PALM2AKAP2: variants seen among roughly 807,000 people sequenced by gnomAD.
PALM2AKAP2 encodes the protein PALM2 and AKAP2 fusion.
A neutral mutation model predicts 71.5 loss-of-function variants in PALM2AKAP2; 37 were observed. The ratio of observed to expected loss-of-function variants is 0.52; its 90% CI spans 0.40 to 0.68. The LOEUF (loss-of-function observed/expected upper bound fraction) is 0.68. PALM2AKAP2 is among the 30% of genes least tolerant of loss of function. The pLI is 0.00. For missense variants in PALM2AKAP2, 1,224 were observed against 1,191.8 expected, an observed-to-expected ratio of 1.03 and a Z score of -0.40; for synonymous variants, 468 against 478.8, an observed-to-expected ratio of 0.98 and a Z score of 0.29.
intron 1 of PALM2AKAP2, among the ~76,000 whole-genome samples, chr9:110,112,618 T>C (rs995733949): frequency 1.3e-5 from 2 of 152,202 alleles, no homozygotes; most frequent in Admixed American, 6.5e-5. Context: ...TATGATAAAG[T>C]AGAAAAAGAA....
At chr9:109,851,102 G>A (rs553802343) in intron 1 of PALM2AKAP2, among the ~76,000 whole-genome samples, 4 of 152,038 alleles carry the variant, frequency 2.6e-5, no homozygotes, top group African/African-American at 4.8e-5. Context: ...GCATGAACCC[G>A]GGAGGCAGAG....
intron 6 of PALM2AKAP2, among the ~76,000 whole-genome samples, chr9:109,964,600 C>G (rs1831911251): frequency 6.6e-6 from 1 of 152,222 alleles, no homozygotes; most frequent in Admixed American, 6.5e-5. Flanking sequence ...GGAAACCCCA[C>G]AGTACTGGTC....
intron 1 of PALM2AKAP2, chr9:109,847,777 G>C (rs1828904845): frequency 6.6e-6 from 1 of 152,100 alleles, no homozygotes; most frequent in Non-Finnish European, 1.5e-5. Context: ...AAGCCAACCA[G>C]TTCGTGGTTA....
intron 1 of PALM2AKAP2, among the ~76,000 whole-genome samples, chr9:109,852,956 T>G (rs549231773): frequency 2.0e-5 from 3 of 152,312 alleles, no homozygotes; most frequent in African/African-American, 7.2e-5. Context: ...TTTGCAGATA[T>G]TTTCTCCCAT....
chr9:109,655,226 G>GCTGAGGCAGGAGAA (rs1827283233), intron 1 of PALM2AKAP2, among the ~76,000 whole-genome samples: 1 of 151,226 alleles, frequency 6.6e-6, no homozygotes, highest in Non-Finnish European at 1.5e-5. Context: ...AACCTGGGAG[G>GCTGAGGCAGGAGAA]TGGAGCTTGC....
intron 1 of PALM2AKAP2, among the ~76,000 whole-genome samples, chr9:110,071,270 T>C (rs1834203146): frequency 6.6e-6 from 1 of 151,252 alleles, no homozygotes; most frequent in Non-Finnish European, 1.5e-5. Flanking sequence ...ATTTAGAGAG[T>C]CTGATAGGTA....
intron 7 of PALM2AKAP2, among the ~76,000 whole-genome samples, chr9:110,025,900 C>T (rs1046152217): frequency 6.6e-6 from 1 of 152,140 alleles, no homozygotes. Flanking sequence ...GAAGCACTCT[C>T]TCATTGCAGC....
chr9:110,004,907 G>T (rs1240133232), intron 6 of PALM2AKAP2, among the ~76,000 whole-genome samples: 3 of 152,078 alleles, frequency 2.0e-5, no homozygotes, highest in Admixed American at 6.6e-5. Context: ...TCTTTGCATT[G>T]GTTATTCTAG....
At chr9:109,834,460 A>G (rs1828397451) in intron 1 of PALM2AKAP2, among the ~76,000 whole-genome samples, 1 of 152,126 alleles carries the variant, frequency 6.6e-6, no homozygotes, top group South Asian at 2.1e-4. Flanking sequence ...CTTTGTAGGT[A>G]AATATGATGG....
intron 6 of PALM2AKAP2, among the ~76,000 whole-genome samples, chr9:109,940,663 C>T (rs1403725134): frequency 6.6e-6 from 1 of 152,012 alleles, no homozygotes; most frequent in Non-Finnish European, 1.5e-5. Context: ...TTTGGAGGAG[C>T]AACAGAAGGC....
intron 1 of PALM2AKAP2, among the ~76,000 whole-genome samples, chr9:109,796,573 G>A (rs558859153): frequency 2.6e-5 from 4 of 152,300 alleles, no homozygotes; most frequent in Admixed American, 2.6e-4. Flanking sequence ...CTGAGACTGG[G>A]TAATTTGTAA....
At chr9:110,122,441 G>T (rs1302015975) in intron 1 of PALM2AKAP2, among the ~76,000 whole-genome samples, 1 of 152,196 alleles carries the variant, frequency 6.6e-6, no homozygotes, top group Admixed American at 6.5e-5. Context: ...GGGGATTCAT[G>T]GCTTCTAGCC....
chr9:109,723,310 C>T (rs1828431377), intron 1 of PALM2AKAP2, among the ~76,000 whole-genome samples: 1 of 152,188 alleles, frequency 6.6e-6, no homozygotes, highest in Admixed American at 6.5e-5. Flanking sequence ...ATACCACCGC[C>T]CAGCACCGAC....
At chr9:109,912,704 TTAGATAGA>T (rs139656396) in intron 3 of PALM2AKAP2, among the ~76,000 whole-genome samples, 2 of 151,792 alleles carry the variant, frequency 1.3e-5, no homozygotes, top group Non-Finnish European at 2.9e-5. Context: ...GAGAGCTAGA[TTAGATAGA>T]TAGATAGATA....
intron 6 of PALM2AKAP2, among the ~76,000 whole-genome samples, chr9:109,998,616 C>G (rs1832618553): frequency 8.8e-6 from 1 of 113,598 alleles, no homozygotes; most frequent in African/African-American, 3.9e-5. Context: ...ATGGTACTTT[C>G]TGACCAGGGC....
chr9:109,903,250 G>A (rs990509606), intron 3 of PALM2AKAP2, among the ~76,000 whole-genome samples: 5 of 151,980 alleles, frequency 3.3e-5, no homozygotes, highest in African/African-American at 1.2e-4. Flanking sequence ...TGAGCCTTGG[G>A]GTTCACATCA....
chr9:109,919,726 T>TGC (rs1223565838), intron 3 of PALM2AKAP2, among the ~76,000 whole-genome samples: 1 of 145,526 alleles, frequency 6.9e-6, no homozygotes, highest in African/African-American at 2.6e-5. Flanking sequence ...TATATATGTG[T>TGC]GTATACATAT....
At chr9:110,006,827 G>A (rs141151093) in intron 6 of PALM2AKAP2, among the ~76,000 whole-genome samples, 5 of 152,172 alleles carry the variant, frequency 3.3e-5, no homozygotes, top group African/African-American at 4.8e-5. Context: ...TATTCCTGTC[G>A]TTGCTAGTCA....
At chr9:109,649,223 A>G (rs544605301) in intron 1 of PALM2AKAP2, among the ~76,000 whole-genome samples, 16 of 151,722 alleles carry the variant, frequency 1.1e-4, no homozygotes, top group Non-Finnish European at 1.9e-4. Flanking sequence ...ATTTTTTTGT[A>G]AAGATATTTT....
Sources: allele counts gnomAD v4.1 joint callset (sites outside exome capture counted in the v4.1 genomes callset), GRCh38; gene constraint gnomAD v4.1.1; transcripts MANE v1.5; gene names NCBI Gene and HGNC (gene_info 2026-07-23, HGNC 2026-07-21).